Variants in GRID2 observed in about 807,000 individuals in gnomAD.
The protein encoded by GRID2 is glutamate receptor ionotropic, delta-2.
In GRID2, 33 loss-of-function variants were observed where a neutral mutation model predicts 114.8. The ratio of observed to expected loss-of-function variants is 0.29; its 90% CI spans 0.22 to 0.38. The LOEUF is 0.38. GRID2 is among the 10% of genes least tolerant of loss of function. GRID2 has a pLI of 1.00. For synonymous variants in GRID2, 505 were observed against 449.9 expected (o/e 1.12, Z -1.55); for missense variants, 1,184 against 1,257.7 (o/e 0.94, Z 0.89).
intron 2 of GRID2, among the ~76,000 whole-genome samples, chr4:92,981,690 A>G (rs1319133335): frequency 6.6e-6 from 1 of 152,010 alleles, no homozygotes; most frequent in Non-Finnish European, 1.5e-5. Context: ...TATTATATAA[A>G]TACATTTGAT....
chr4:92,807,191 T>A (rs374834883), intron 2 of GRID2, among the ~76,000 whole-genome samples: 14 of 152,014 alleles, frequency 9.2e-5, no homozygotes, highest in African/African-American at 3.1e-4. Flanking sequence ...ATTTCAACAA[T>A]GTGAGTTCGA....
chr4:93,153,267 C>A (rs1736888170), intron 4 of GRID2, among the ~76,000 whole-genome samples: 1 of 152,006 alleles, frequency 6.6e-6, no homozygotes, highest in African/African-American at 2.4e-5. Flanking sequence ...TTGAAACTAT[C>A]TTCAGAAATA....
intron 1 of GRID2, among the ~76,000 whole-genome samples, chr4:92,423,282 T>A (rs1201289192): frequency 6.6e-6 from 1 of 152,170 alleles, no homozygotes; most frequent in Non-Finnish European, 1.5e-5. Flanking sequence ...CTAATTTTTT[T>A]AGCAAATAAG....
intron 1 of GRID2, among the ~76,000 whole-genome samples, chr4:92,335,915 T>G (rs1353353766): frequency 6.6e-6 from 1 of 152,186 alleles, no homozygotes; most frequent in Non-Finnish European, 1.5e-5. Context: ...GGAAGGAAAG[T>G]CACTGTTTTT....
chr4:93,103,905 A>C (rs2149343226), intron 3 of GRID2, among the ~76,000 whole-genome samples: 1 of 151,912 alleles, frequency 6.6e-6, no homozygotes, highest in Middle Eastern at 3.4e-3. Context: ...ATTGAGCAAA[A>C]ATCTTCATTT....
chr4:92,794,023 C>G (rs538094547), intron 2 of GRID2, among the ~76,000 whole-genome samples: 1 of 151,840 alleles, frequency 6.6e-6, no homozygotes, highest in East Asian at 2.0e-4. Context: ...GACTGGAATG[C>G]CGATTAGTGG....
Position 93,450,908 on chromosome 4 carries a change from T to A in GRID2, c.1546-4754T>A, listed in dbSNP as rs534758162. 2.0e-5 allele frequency among the ~76,000 whole-genome samples: 3 copies of A among 152,094 alleles called. No individual in the cohort carries two copies. The East Asian group carries it at 5.8e-4, about 29-fold the overall frequency. On this transcript the variant is annotated intron_variant, in intron 10 of 15. Coordinates refer to ENST00000282020, the MANE Select transcript of GRID2 (RefSeq NM_001510.4). ...TACTGATAAATCAAGAACCTTACTT[T>A]AATTATTGACATAATTATTCAGGAT...
chr4:93,085,073 T>C lies in GRID2; in HGVS notation c.323T>C (p.Leu108Ser), dbSNP rs770169473. Residue 108 changes from leucine to serine, a missense_variant, in exon 3 of 16, where the codon TTG (leucine) becomes TCG (serine). Around this residue, in one of 3 missense-constraint regions of GRID2, gnomAD observed 455 missense variants for 429.5 expected, o/e 1.06. Transcript: ENST00000282020. ...GCTSAGSLQSLADAMHIPHLF... is the reference protein window; with the variant it reads ...GCTSAGSLQSSADAMHIPHLF... ...ACGTCAGCAGGATCCCTCCAGTCTTTGGCAGACGCCATGCATATCCCCCAC... is the reference window on the plus strand; with the variant it reads ...ACGTCAGCAGGATCCCTCCAGTCTTCGGCAGACGCCATGCATATCCCCCAC... The C allele has an allele frequency of 6.2e-7, 1 of 1,614,146 alleles. No individual in the cohort carries two copies. The highest frequency in any genetic ancestry group is 8.5e-7 in the Non-Finnish European group (1 of 1,179,982).
intron 1 of GRID2, among the ~76,000 whole-genome samples, chr4:93,788,500 T>A (rs1204121552): frequency 6.6e-6 from 1 of 152,090 alleles, no homozygotes; most frequent in African/African-American, 2.4e-5. Flanking sequence ...TACACACACA[T>A]ATGTACATAT....
At chr4:92,545,321 G>C (rs969810561) in intron 1 of GRID2, among the ~76,000 whole-genome samples, 1 of 152,242 alleles carries the variant, frequency 6.6e-6, no homozygotes, top group African/African-American at 2.4e-5. Context: ...GGTCCCCATG[G>C]ATAGCTGCCT....
intron 8 of GRID2, among the ~76,000 whole-genome samples, chr4:93,247,239 T>G (rs1229671779): frequency 6.6e-6 from 1 of 152,132 alleles, no homozygotes; most frequent in Non-Finnish European, 1.5e-5. Context: ...GATGGTTAAT[T>G]TTATGTGTCA....
At chr4:92,875,175 T>TTC (rs1553939809) in intron 2 of GRID2, among the ~76,000 whole-genome samples, 3 of 146,224 alleles carry the variant, frequency 2.1e-5, no homozygotes, top group Non-Finnish European at 4.5e-5. Context: ...TTTTTTTTTT[T>TTC]TCCCGAGACG....
intron 1 of GRID2, among the ~76,000 whole-genome samples, chr4:92,393,228 C>T (rs952546438): frequency 2.6e-5 from 4 of 152,082 alleles, no homozygotes; most frequent in African/African-American, 9.7e-5. Context: ...ATTCAAAAAC[C>T]TCCCACAAGA....
intron 2 of GRID2, among the ~76,000 whole-genome samples, chr4:93,029,024 A>T (rs1294952183): frequency 6.6e-6 from 1 of 152,102 alleles, no homozygotes; most frequent in East Asian, 1.9e-4. Flanking sequence ...GGAATTTCTT[A>T]CAATTTTAGA....
At chr4:92,705,499 T>A (rs935128965) in intron 2 of GRID2, among the ~76,000 whole-genome samples, 1 of 152,180 alleles carries the variant, frequency 6.6e-6, no homozygotes, top group Non-Finnish European at 1.5e-5. Flanking sequence ...TTAACTAGTG[T>A]TTGTTGGCTT....
At chr4:92,876,306 T>TATTG (rs1443400201) in intron 2 of GRID2, among the ~76,000 whole-genome samples, 1 of 151,134 alleles carries the variant, frequency 6.6e-6, no homozygotes, top group Non-Finnish European at 1.5e-5. Context: ...TTTATTTATT[T>TATTG]ATTTATTTTT....
chr4:93,203,589 G>A (rs933616701), intron 4 of GRID2, among the ~76,000 whole-genome samples: 2 of 152,082 alleles, frequency 1.3e-5, no homozygotes, highest in Non-Finnish European at 2.9e-5. Flanking sequence ...AGTTACTCTA[G>A]TGAGTATGTT....
chr4:93,646,044 C>T (rs965503758), intron 14 of GRID2, among the ~76,000 whole-genome samples: 3 of 152,052 alleles, frequency 2.0e-5, no homozygotes, highest in African/African-American at 7.2e-5. Flanking sequence ...ATTTATTGAG[C>T]AGTTACTTAG....
intron 2 of GRID2, among the ~76,000 whole-genome samples, chr4:92,971,029 G>A (rs997167882): frequency 6.6e-6 from 1 of 151,444 alleles, no homozygotes; most frequent in African/African-American, 2.4e-5. Context: ...AAAAAAATTT[G>A]TACAGAAGAA....
Sources: gnomAD v4.1 joint callset for allele counts (sites outside exome capture counted in the v4.1 genomes callset) on GRCh38, gnomAD v4.1.1 for gene constraint, gnomAD v4.1.1 regional missense constraint, MANE v1.5 for transcripts, NCBI Gene and HGNC (gene_info 2026-07-23, HGNC 2026-07-21) for gene names.